IL1RL2: variants seen among roughly 807,000 people sequenced by gnomAD.
The protein encoded by IL1RL2 is interleukin-1 receptor-like 2.
Under a neutral mutation model 66.8 loss-of-function variants are expected in IL1RL2, and 68 were observed. The observed-to-expected ratio is 1.02, with a 90% CI of 0.84 to 1.25. The LOEUF is 1.25. Among genes scored for constraint, IL1RL2 ranks in the 50% most tolerant of loss-of-function variants. The pLI, the probability that IL1RL2 is intolerant of heterozygous loss-of-function variation, is 0.00. For missense variants in IL1RL2, 729 were observed against 709.3 expected (o/e 1.03, Z -0.32); for synonymous variants, 305 against 264.6 (o/e 1.15, Z -1.48).
chr2:102,216,975 T>C (rs1442871779), intron 6 of IL1RL2, among the ~76,000 whole-genome samples: 3 of 152,186 alleles, frequency 2.0e-5, no homozygotes, highest in African/African-American at 7.2e-5. Context: ...ACCTTTAAAC[T>C]TATTACTAGA....
intron 11 of IL1RL2, chr2:102,235,901 A>G: frequency 2.0e-6 from 2 of 985,442 alleles, no homozygotes; most frequent in Non-Finnish European, 2.4e-6. Flanking sequence ...AGTGGCCATG[A>G]CTGCCTCTTG....
chr2:102,226,533 C>T (rs1292216687), intron 9 of IL1RL2, among the ~76,000 whole-genome samples: 1 of 152,070 alleles, frequency 6.6e-6, no homozygotes, highest in Non-Finnish European at 1.5e-5. Flanking sequence ...AGAGATCAAA[C>T]CAAGTTTGAA....
chr2:102,215,020 C>A lies in IL1RL2; in HGVS notation c.724+2846C>A, dbSNP rs576767676. On this transcript the variant is annotated intron_variant, in intron 6 of 11. Transcript: ENST00000264257. ...CCCTTTCTCTGTCACTCTGTTTCCC[C>A]CACCAAGATTGACTTGGAGCCAAGA... Among the ~76,000 whole-genome samples, 33 of 144,520 alleles carry A rather than the reference C, an allele frequency of 2.3e-4. No individual in the cohort carries two copies. The East Asian group carries it at 6.2e-3, about 27-fold the overall frequency. 94.8% of individuals were successfully genotyped at this position (144,520 alleles called of 152,430 possible). A position where few individuals can be genotyped will look rare whatever the true frequency, so the allele number is the denominator to read the frequency against.
rs909560775 is a variant in IL1RL2, at chr2:102,239,487, T to C, written c.*246T>C. ...GAGCTGGGGGTTATCCCCATGGTCA[T>C]GGAGGGTGAGGGCTGGTCGGGGGAG... is the stretch of plus-strand genomic sequence containing the variant. On this transcript the variant is annotated 3_prime_UTR_variant, in exon 12 of 12. Coordinates refer to ENST00000264257, the MANE Select transcript of IL1RL2 (RefSeq NM_003854.4). The C allele has an allele frequency of 9.2e-6, 4 of 435,704 alleles. No individual in the cohort carries two copies. Among genetic ancestry groups the C allele is most frequent in the African/African-American group, 8.8e-5 (4 of 45,438 alleles). The allele number at this position is 435,704 out of a possible 1,614,324, so 27.0% of individuals were successfully genotyped here. A position where few individuals can be genotyped will look rare whatever the true frequency, so the allele number is the denominator to read the frequency against.
At position 102,189,070 on chromosome 2, in the gene IL1RL2, C is replaced by T; in HGVS notation, c.59-6C>T. On this transcript the variant is annotated splice_region_variant and splice_polypyrimidine_tract_variant and intron_variant, in intron 2 of 11. Transcript: ENST00000264257. ...TAATTGTTTTGTTTTGTTTTTCTTT[C>T]CCTAGATGGATGCAAGGACATTTTT... The T allele has an allele frequency of 3.7e-6, 6 of 1,604,598 alleles. No homozygotes were observed. The highest frequency in any genetic ancestry group is 4.3e-6 in the Non-Finnish European group (5 of 1,172,312).
chr2:102,227,504 G>A (rs1205114721), intron 9 of IL1RL2, among the ~76,000 whole-genome samples: 1 of 152,152 alleles, frequency 6.6e-6, no homozygotes, highest in Admixed American at 6.5e-5. Flanking sequence ...AAAGTCATCT[G>A]AACCTTAAGT....
Position 102,212,120 on chromosome 2 carries a change from G to C in IL1RL2, c.670G>C (p.Gly224Arg). The C allele has an allele frequency of 6.2e-7, 1 of 1,613,178 alleles. No individual in the cohort carries two copies. Among genetic ancestry groups the C allele is most frequent in the Non-Finnish European group, 8.5e-7 (1 of 1,179,252 alleles). Residue 224 changes from glycine to arginine, a missense_variant, in exon 6 of 12, where the codon GGA becomes CGA. Coordinates refer to ENST00000264257, the MANE Select transcript of IL1RL2 (RefSeq NM_003854.4). ...CTTAGCAGAAAGAGCTGGATATGGA[G>C]GAAGTGTCCCTAAAATCATTTATCC... ...VSITERAGYG[G>R]SVPKIIYPKN...
chr2:102,231,796 C>A (rs6731042), intron 9 of IL1RL2, among the ~76,000 whole-genome samples: 29,612 of 152,058 alleles, frequency 0.19, 3,556 homozygotes, highest in Admixed American at 0.31. Flanking sequence ...CTTCTCTCAA[C>A]GGCACTGCAG....
At position 102,239,337 on chromosome 2, in the gene IL1RL2, G is replaced by A; in HGVS notation, c.*96G>A. ...ATTTTCTGCTGCAGGATGAGGCTAG[G>A]GTTAGCATTCTAGACACCCAGTTGA... On this transcript the variant is annotated 3_prime_UTR_variant, in exon 12 of 12. Coordinates refer to ENST00000264257, the MANE Select transcript of IL1RL2 (RefSeq NM_003854.4). 1.6e-6 allele frequency: 2 copies of A among 1,217,172 alleles called. No homozygotes were observed. Among genetic ancestry groups the A allele is most frequent in the South Asian group, 1.2e-5 (1 of 82,548 alleles). The allele number at this position is 1,217,172 out of a possible 1,614,324, so 75.4% of individuals were successfully genotyped here.
intron 9 of IL1RL2, among the ~76,000 whole-genome samples, chr2:102,227,018 G>T (rs530475963): frequency 1.3e-5 from 2 of 152,240 alleles, no homozygotes; most frequent in Admixed American, 6.5e-5. Flanking sequence ...AAATGCCTCA[G>T]TGTGATCCTG....
intron 5 of IL1RL2, among the ~76,000 whole-genome samples, chr2:102,210,178 T>A (rs1262049368): frequency 6.6e-6 from 1 of 152,132 alleles, no homozygotes; most frequent in East Asian, 1.9e-4. Context: ...TGGGGAGATT[T>A]TTTTCCAGAC....
At chr2:102,204,973 G>C (rs1688584467) in intron 5 of IL1RL2, among the ~76,000 whole-genome samples, 1 of 151,712 alleles carries the variant, frequency 6.6e-6, no homozygotes. Flanking sequence ...GATTTTGTCT[G>C]GTGATATGAC....
In IL1RL2 at chr2:102,189,280, G is replaced by C; in HGVS notation, c.263G>C (p.Gly88Ala). 1 of 1,612,772 alleles carries C rather than the reference G, an allele frequency of 6.2e-7. No homozygotes were observed. The highest frequency in any genetic ancestry group is 8.5e-7 in the Non-Finnish European group (1 of 1,179,258). Residue 88 changes from glycine to alanine, a missense_variant, in exon 3 of 12, where the codon GGG becomes GCG. Physicochemically the swap from Gly to Ala is moderately conservative, Grantham distance 60. Transcript: ENST00000264257. ...ATTTTGTTTCTCCCCATGGAATGGG[G>C]GGACTCAGGAGTCTACCAATGTGTT... is the stretch of plus-strand genomic sequence containing the variant. ...TWILFLPMEW[G>A]DSGVYQCVIK...
Position 102,207,180 on chromosome 2 carries a change from C to T in IL1RL2, c.650-4920C>T, listed in dbSNP as rs558897200. Reference sequence around the variant, plus strand: ...TGGCCCAGGGCATGTGCAGAAGTGCCATCCAAGATTCAAGTCCCAGAATCA... The same window carrying T: ...TGGCCCAGGGCATGTGCAGAAGTGCTATCCAAGATTCAAGTCCCAGAATCA... On this transcript the variant is annotated intron_variant, in intron 5 of 11. Coordinates refer to ENST00000264257, the MANE Select transcript of IL1RL2 (RefSeq NM_003854.4). Among the ~76,000 whole-genome samples the T allele has an allele frequency of 8.6e-5, 13 of 151,766 alleles. 1 individual carries two copies. The South Asian group carries it at 2.7e-3, about 32-fold the overall frequency.
chr2:102,194,257 G>A (rs1687473345), intron 4 of IL1RL2, among the ~76,000 whole-genome samples: 1 of 152,066 alleles, frequency 6.6e-6, no homozygotes, highest in African/African-American at 2.4e-5. Context: ...AGCTTCCTTG[G>A]CTCAATAGCA....
chr2:102,238,409 G>C (rs1675056590), intron 11 of IL1RL2, among the ~76,000 whole-genome samples: 1 of 152,160 alleles, frequency 6.6e-6, no homozygotes, highest in Non-Finnish European at 1.5e-5. Context: ...CATGTGAAAA[G>C]TGCTTGGCAA....
intron 4 of IL1RL2, among the ~76,000 whole-genome samples, chr2:102,192,602 G>A (rs1409114239): frequency 1.3e-5 from 2 of 152,102 alleles, no homozygotes; most frequent in African/African-American, 4.8e-5. Flanking sequence ...ATATAGTCTA[G>A]CTCTTTCTAG....
chr2:102,200,139 A>T (rs1333765226), intron 4 of IL1RL2, among the ~76,000 whole-genome samples: 1 of 145,972 alleles, frequency 6.9e-6, no homozygotes, highest in African/African-American at 2.6e-5. Flanking sequence ...AAAAAAAAAA[A>T]GTGCTTGTCT....
chr2:102,231,639 G>T (rs553074754), intron 9 of IL1RL2, among the ~76,000 whole-genome samples: 2 of 151,760 alleles, frequency 1.3e-5, no homozygotes, highest in African/African-American at 2.4e-5. Flanking sequence ...GACTCTCGTC[G>T]CCTCGTAGAG....
Sources: allele counts gnomAD v4.1 joint callset (sites outside exome capture counted in the v4.1 genomes callset), GRCh38; gene constraint gnomAD v4.1.1; transcripts MANE v1.5; gene names NCBI Gene and HGNC (gene_info 2026-07-23, HGNC 2026-07-21).